TDRD9: variants seen among roughly 807,000 people sequenced by gnomAD.
The protein encoded by TDRD9 is tudor domain containing 9.
In TDRD9, 124 loss-of-function variants were observed where a neutral mutation model predicts 172.6. The observed-to-expected ratio is 0.72, with a 90% CI of 0.62 to 0.83. The LOEUF is 0.83. Ranked by LOEUF, TDRD9 falls within the 40% of genes least tolerant of loss-of-function variation. The pLI is 0.00. For missense variants in TDRD9, 1,479 were observed against 1,714.1 expected, an observed-to-expected ratio of 0.86 and a Z score of 2.42; for synonymous variants, 619 against 617.1, an observed-to-expected ratio of 1.00 and a Z score of -0.05.
chr14:104,005,716 A>G (rs1209558741), intron 15 of TDRD9, among the ~76,000 whole-genome samples: 1 of 152,210 alleles, frequency 6.6e-6, no homozygotes, highest in East Asian at 1.9e-4. Context: ...AGGCCTTGGT[A>G]CAAGCTGTAT....
chr14:104,038,622 A>T (rs1053241796), intron 32 of TDRD9, among the ~76,000 whole-genome samples: 1 of 152,170 alleles, frequency 6.6e-6, no homozygotes. Context: ...TGTCCTCAGC[A>T]TGGTGGGTTG....
intron 12 of TDRD9, among the ~76,000 whole-genome samples, 196 bp downstream of exon 12, chr14:103,996,003 C>G (rs571814098): frequency 6.6e-6 from 1 of 152,310 alleles, no homozygotes; most frequent in Non-Finnish European, 1.5e-5. Flanking sequence ...GTACCTGTTT[C>G]ATCCTTTAGG....
rs180907588 is a variant in TDRD9 at position 104,031,199 on chromosome 14, A to G, written c.3374A>G (p.Lys1125Arg). The change falls in exon 29 of 36, where the codon AAA becomes AGA. Residue 1125 changes from lysine to arginine, a missense_variant. Lys to Arg is a conservative substitution (Grantham distance 26). Coordinates refer to ENST00000409874, the MANE Select transcript of TDRD9 (RefSeq NM_153046.3). ...CCCTTTCCCATGAAAGACGACGAGA[A>G]ATATCTCATCCGGATTTTGTTAGAG... ...SVPFPMKDDE[K>R]YLIRILLESF... is the part of the protein sequence containing the mutation. 104 of 1,551,820 alleles carry G rather than the reference A, an allele frequency of 6.7e-5. No individual in the cohort carries two copies. The African/African-American group carries it at 1.1e-3, about 17-fold the overall frequency.
At chr14:104,001,927 A>G (rs2034273212) in intron 13 of TDRD9, among the ~76,000 whole-genome samples, 1 of 151,658 alleles carries the variant, frequency 6.6e-6, no homozygotes, top group South Asian at 2.1e-4. Flanking sequence ...TTTATAAGGA[A>G]CTACTGTAAA....
intron 28 of TDRD9, among the ~76,000 whole-genome samples, chr14:104,027,748 T>C (rs2035166330): frequency 6.6e-6 from 1 of 152,188 alleles, no homozygotes; most frequent in African/African-American, 2.4e-5. Flanking sequence ...AAATATACCT[T>C]ATAGTTAACC....
intron 1 of TDRD9, among the ~76,000 whole-genome samples, chr14:103,936,829 T>A (rs1199153656): frequency 6.6e-6 from 1 of 152,208 alleles, no homozygotes; most frequent in Non-Finnish European, 1.5e-5. Context: ...TAGTGGCTCA[T>A]GCCTGTAATC....
chr14:104,048,922 G>T (rs746890350), intron 34 of TDRD9, among the ~76,000 whole-genome samples: 1 of 152,108 alleles, frequency 6.6e-6, no homozygotes, highest in Non-Finnish European at 1.5e-5. Flanking sequence ...GAGTGCTGTG[G>T]TGCTGGGTTC....
chr14:103,991,395 G>T (rs2152197408), intron 9 of TDRD9, among the ~76,000 whole-genome samples, 171 bp downstream of exon 9: 1 of 152,012 alleles, frequency 6.6e-6, no homozygotes, highest in African/African-American at 2.4e-5. Context: ...TGTAACCCTT[G>T]CATTTCTTTT....
chr14:104,046,718 T>C (rs1297258143), intron 34 of TDRD9, among the ~76,000 whole-genome samples: 1 of 152,050 alleles, frequency 6.6e-6, no homozygotes, highest in Non-Finnish European at 1.5e-5. Context: ...TGATCTCGGC[T>C]CACTGCAAGC....
intron 7 of TDRD9, among the ~76,000 whole-genome samples, chr14:103,982,026 C>T (rs992457416): frequency 5.3e-5 from 8 of 152,196 alleles, no homozygotes; most frequent in Non-Finnish European, 1.2e-4. Flanking sequence ...GGAGACTTGT[C>T]ATGTTACCTC....
At chr14:103,994,042 G>GT (rs1321189517) in intron 9 of TDRD9, among the ~76,000 whole-genome samples, 1 of 152,162 alleles carries the variant, frequency 6.6e-6, no homozygotes, top group Non-Finnish European at 1.5e-5. Flanking sequence ...AAATCTGGGG[G>GT]TAAAAAAGGA....
In TDRD9 at chr14:104,026,875, A is replaced by T; in HGVS notation, c.3218A>T (p.Asn1073Ile). The T allele has an allele frequency of 6.2e-7, 1 of 1,614,046 alleles. No individual in the cohort carries two copies. The highest frequency in any genetic ancestry group is 8.5e-7 in the Non-Finnish European group (1 of 1,179,886). Residue 1073 changes from asparagine to isoleucine, a missense_variant, in exon 28 of 36, where the codon AAC becomes ATC. By Grantham distance (149) the Asn-to-Ile change is moderately radical (BLOSUM62 -3). Coordinates refer to ENST00000409874, the MANE Select transcript of TDRD9 (RefSeq NM_153046.3). Reference protein sequence around the residue: ...YQYSGVQDAINIRDVLIQQGY... With the variant: ...YQYSGVQDAIIIRDVLIQQGY... Reference sequence around the variant, plus strand: ...TACTCAGGGGTCCAGGATGCCATCAACATAAGAGACGTCCTCATCCAGCAG... The same window carrying T: ...TACTCAGGGGTCCAGGATGCCATCATCATAAGAGACGTCCTCATCCAGCAG...
chr14:103,977,630 CTTTTTTT>C lies in TDRD9; in HGVS notation c.1011+2088_1011+2094del, dbSNP rs766681794. Among the ~76,000 whole-genome samples the C allele has an allele frequency of 5.2e-5, 6 of 114,446 alleles. 1 individual carries two copies. The highest frequency in any genetic ancestry group is 3.0e-4 in the South Asian group (1 of 3,318). 75.1% of individuals were successfully genotyped at this position (114,446 alleles called of 152,430 possible). On this transcript the variant is annotated intron_variant, in intron 7 of 35. Transcript: ENST00000409874. The stretch of plus-strand genomic sequence containing the variant: ...CCCCATTCACTCAGTTGATTTCTTT[CTTTTTTT>C]TTTTTTTTTTGCTATGCAGAAGCTT...
intron 6 of TDRD9, among the ~76,000 whole-genome samples, chr14:103,973,564 G>A (rs1046694594): frequency 6.6e-6 from 1 of 152,216 alleles, no homozygotes; most frequent in Non-Finnish European, 1.5e-5. Context: ...GAGGGCTGCC[G>A]GGGAGGGTGG....
intron 34 of TDRD9, among the ~76,000 whole-genome samples, chr14:104,043,915 C>T (rs1011325441): frequency 7.9e-5 from 12 of 152,188 alleles, no homozygotes; most frequent in Non-Finnish European, 1.5e-4. Context: ...GGGCCTGAAA[C>T]GCTTCCTTCC....
chr14:104,026,885 C>T lies in TDRD9; in HGVS notation c.3228C>T (p.Asp1076=), dbSNP rs2035139403. 3.1e-6 allele frequency: 5 copies of T among 1,614,036 alleles called. No homozygotes were observed. Among genetic ancestry groups the T allele is most frequent in the East Asian group, 2.2e-5 (1 of 44,886 alleles). Residue 1076 remains aspartate (D), a synonymous_variant, in exon 28 of 36, where the codon GAC becomes GAT. Transcript: ENST00000409874. ...SGVQDAINIR[D]VLIQQGYAEL... The stretch of plus-strand genomic sequence containing the variant: ...TCCAGGATGCCATCAACATAAGAGA[C>T]GTCCTCATCCAGCAGGGCTATGCCG...
At chr14:103,992,959 G>A (rs1595958262) in intron 9 of TDRD9, among the ~76,000 whole-genome samples, 1 of 144,132 alleles carries the variant, frequency 6.9e-6, no homozygotes, top group African/African-American at 2.5e-5. Context: ...TACCTAACAT[G>A]AGATAAATAC....
intron 28 of TDRD9, among the ~76,000 whole-genome samples, chr14:104,029,753 G>C (rs1055123549): frequency 7.2e-5 from 11 of 152,108 alleles, no homozygotes; most frequent in Non-Finnish European, 2.9e-5. Flanking sequence ...TGTTGTTCTT[G>C]TTCTTAGAGG....
Position 104,026,931 on chromosome 14 carries a change from G to A in TDRD9, c.3274G>A (p.Glu1092Lys), listed in dbSNP as rs201426946. 5 of 1,613,490 alleles carry A rather than the reference G, an allele frequency of 3.1e-6. No individual in the cohort carries two copies. The highest frequency in any genetic ancestry group is 4.2e-6 in the Non-Finnish European group (5 of 1,179,638). Residue 1092 changes from glutamate to lysine, a missense_variant, in exon 28 of 36, where the codon GAG (glutamate) becomes AAG (lysine). Around this residue, in one of 3 missense-constraint regions of TDRD9, gnomAD observed 1,413 missense variants for 1,649.1 expected, o/e 0.86. Coordinates refer to ENST00000409874, the MANE Select transcript of TDRD9 (RefSeq NM_153046.3). The stretch of plus-strand genomic sequence containing the variant: ...TGCCGAGCTCACGGAGGAGTCCTAC[G>A]AGTCCAAGGTGTGTGCTTTCGCCGT... ...GYAELTEESY[E>K]SKQSHEVLKG...
Sources: gnomAD v4.1 joint callset for allele counts (sites outside exome capture counted in the v4.1 genomes callset) on GRCh38, gnomAD v4.1.1 for gene constraint, gnomAD v4.1.1 regional missense constraint, MANE v1.5 for transcripts, NCBI Gene and HGNC (gene_info 2026-07-23, HGNC 2026-07-21) for gene names.